Variants in NBEA observed in about 807,000 individuals in gnomAD.
NBEA encodes the protein neurobeachin.
A neutral mutation model predicts 343.4 loss-of-function variants in NBEA; 44 were observed. That is an observed-to-expected ratio of 0.13 (90% CI 0.10 to 0.16). NBEA has a LOEUF of 0.16. NBEA is among the 10% of genes least tolerant of loss of function. NBEA has a pLI of 1.00. For synonymous variants in NBEA, 1,175 were observed against 1,238.7 expected (o/e 0.95, Z 1.08); for missense variants, 2,555 against 3,631.3 (o/e 0.70, Z 7.62).
At chr13:35,484,342 C>G (rs1208794284) in intron 41 of NBEA, among the ~76,000 whole-genome samples, 1 of 145,784 alleles carries the variant, frequency 6.9e-6, no homozygotes, top group Non-Finnish European at 1.5e-5. Context: ...TGCAACAGAC[C>G]AAGTTTAAAT....
chr13:35,055,937 G>C (rs976228546), intron 6 of NBEA, 73 bp from the exon 7 acceptor site: 12 of 1,237,042 alleles, frequency 9.7e-6, no homozygotes, highest in Non-Finnish European at 1.3e-5. Context: ...AGGGTTTTAT[G>C]AATGTTACAA....
intron 34 of NBEA, among the ~76,000 whole-genome samples, chr13:35,289,829 G>A (rs922899344): frequency 2.6e-5 from 4 of 151,522 alleles, no homozygotes; most frequent in Non-Finnish European, 4.4e-5. Context: ...GGAGTATAAC[G>A]GTGAAATATT....
At chr13:35,561,594 C>T (rs2079858886) in intron 44 of NBEA, among the ~76,000 whole-genome samples, 1 of 151,992 alleles carries the variant, frequency 6.6e-6, no homozygotes, top group African/African-American at 2.4e-5. Flanking sequence ...CATTTTATGA[C>T]CCATTTCTTA....
At chr13:35,596,038 A>C (rs184704681) in intron 47 of NBEA, among the ~76,000 whole-genome samples, 182 of 151,928 alleles carry the variant, frequency 1.2e-3, no homozygotes, top group African/African-American at 4.3e-3. Context: ...CATTGCAAGT[A>C]GGGTTTCTTG....
intron 31 of NBEA, among the ~76,000 whole-genome samples, chr13:35,197,681 T>C (rs576929769): frequency 6.6e-6 from 1 of 152,226 alleles, no homozygotes; most frequent in East Asian, 1.9e-4. Flanking sequence ...TTTTGTATTT[T>C]TAGTAGAGAC....
chr13:35,559,391 G>A (rs1009733884), intron 44 of NBEA, among the ~76,000 whole-genome samples: 5 of 151,996 alleles, frequency 3.3e-5, no homozygotes, highest in Admixed American at 6.6e-5. Context: ...TTAGGGATAC[G>A]GTTATTGTTC....
chr13:35,066,360 C>T (rs1427719698), intron 8 of NBEA, among the ~76,000 whole-genome samples: 1 of 152,056 alleles, frequency 6.6e-6, no homozygotes, highest in Non-Finnish European at 1.5e-5. Context: ...CTTCAGTTTC[C>T]TTCTTGATCT....
chr13:35,603,949 CTA>C (rs964011333), intron 47 of NBEA, among the ~76,000 whole-genome samples: 114 of 152,178 alleles, frequency 7.5e-4, no homozygotes, highest in South Asian at 6.2e-4. Flanking sequence ...GCAGAAGAAA[CTA>C]TATATTTTAC....
chr13:35,477,011 T>TA (rs1425207967), intron 41 of NBEA: 1 of 173,034 alleles, frequency 5.8e-6, no homozygotes, highest in Non-Finnish European at 1.4e-5. Context: ...GAAATGCAAA[T>TA]ACAGGTGTAT....
chr13:35,083,628 C>A (rs1341372257), intron 10 of NBEA, among the ~76,000 whole-genome samples: 2 of 152,096 alleles, frequency 1.3e-5, no homozygotes, highest in African/African-American at 2.4e-5. Context: ...TGGAAAGGAA[C>A]AACTGGTACC....
intron 1 of NBEA, among the ~76,000 whole-genome samples, chr13:34,943,666 G>C (rs2152477114): frequency 6.6e-6 from 1 of 152,294 alleles, no homozygotes; most frequent in Admixed American, 6.5e-5. Flanking sequence ...GGCCATGATG[G>C]AGAGTGTTGT....
intron 57 of NBEA, among the ~76,000 whole-genome samples, chr13:35,667,969 G>T (rs1427074996): frequency 6.6e-6 from 1 of 152,074 alleles, no homozygotes; most frequent in Non-Finnish European, 1.5e-5. Context: ...AATTATAATT[G>T]CTGGGTTGTC....
intron 34 of NBEA, among the ~76,000 whole-genome samples, chr13:35,245,149 G>A (rs1304005373): frequency 6.6e-6 from 1 of 152,080 alleles, no homozygotes; most frequent in Admixed American, 6.6e-5. Flanking sequence ...TGCATGGAAT[G>A]TCCTTTTCCA....
At chr13:35,155,202 C>T (rs2069083082) in intron 18 of NBEA, among the ~76,000 whole-genome samples, 1 of 130,878 alleles carries the variant, frequency 7.6e-6, no homozygotes, top group Non-Finnish European at 1.7e-5. Flanking sequence ...GCATTTCAAA[C>T]AATAAATTCA....
chr13:35,419,060 T>G (rs2044120995), intron 38 of NBEA, among the ~76,000 whole-genome samples: 1 of 152,062 alleles, frequency 6.6e-6, no homozygotes, highest in South Asian at 2.1e-4. Flanking sequence ...ATTTTGTACA[T>G]GAAACATGGT....
At chr13:35,300,920 T>TAAA (rs1184065641) in intron 35 of NBEA, among the ~76,000 whole-genome samples, 1 of 152,140 alleles carries the variant, frequency 6.6e-6, no homozygotes, top group East Asian at 1.9e-4. Context: ...CTACCTAGGA[T>TAAA]GTAAAGGGAT....
chr13:35,155,944 A>G (rs2069142232), intron 19 of NBEA, 89 bp downstream of exon 19: 2 of 1,487,784 alleles, frequency 1.3e-6, no homozygotes, highest in Non-Finnish European at 1.9e-6. Context: ...CCCTTAAATC[A>G]TTATGGTGTT....
chr13:35,483,317 G>A (rs1447288327), intron 41 of NBEA, among the ~76,000 whole-genome samples: 1 of 151,860 alleles, frequency 6.6e-6, no homozygotes, highest in African/African-American at 2.4e-5. Flanking sequence ...AGGCATATTT[G>A]TAATGTTTCT....
chr13:35,401,829 G>T (rs539197477), intron 38 of NBEA, among the ~76,000 whole-genome samples: 2 of 152,096 alleles, frequency 1.3e-5, no homozygotes, highest in South Asian at 2.1e-4. Context: ...TTATGGATTA[G>T]TGAGTTGTGA....
Sources: allele counts gnomAD v4.1 joint callset (sites outside exome capture counted in the v4.1 genomes callset), GRCh38; gene constraint gnomAD v4.1.1; transcripts MANE v1.5; gene names NCBI Gene and HGNC (gene_info 2026-07-23, HGNC 2026-07-21).